Variants in MTMR2 observed in about 807,000 individuals in gnomAD.
MTMR2 encodes the protein phosphatidylinositol-3,5-bisphosphate 3-phosphatase MTMR2.
MTMR2 carries 55 observed loss-of-function variants against 86.9 expected under a neutral mutation model. The observed-to-expected ratio is 0.63, with a 90% CI of 0.51 to 0.79. MTMR2 has a LOEUF of 0.79. Among genes scored for constraint, MTMR2 ranks in the 30% least tolerant of loss-of-function variants. The pLI is 0.00. For missense variants in MTMR2, 659 were observed against 772.3 expected, an observed-to-expected ratio of 0.85 and a Z score of 1.74; for synonymous variants, 241 against 266.8, an observed-to-expected ratio of 0.90 and a Z score of 0.94.
chr11:95,890,463 C>G (rs1226449587), intron 1 of MTMR2, among the ~76,000 whole-genome samples: 1 of 152,070 alleles, frequency 6.6e-6, no homozygotes, highest in South Asian at 2.1e-4. Flanking sequence ...AGGAGAGCCA[C>G]GTGAGTCAAT....
chr11:95,870,689 C>T (rs1388192947), intron 2 of MTMR2, among the ~76,000 whole-genome samples: 1 of 149,988 alleles, frequency 6.7e-6, no homozygotes, highest in Non-Finnish European at 1.5e-5. Flanking sequence ...CTCAAAAACA[C>T]CAGGAACCTA....
intron 13 of MTMR2, among the ~76,000 whole-genome samples, chr11:95,837,705 A>T (rs1203049517): frequency 6.6e-6 from 1 of 152,100 alleles, no homozygotes; most frequent in African/African-American, 2.4e-5. Flanking sequence ...AGTAGGATAT[A>T]CTTGGGAATT....
chr11:95,867,725 T>C (rs1227530273), intron 2 of MTMR2, among the ~76,000 whole-genome samples: 1 of 150,826 alleles, frequency 6.6e-6, no homozygotes, highest in African/African-American at 2.4e-5. Context: ...GATGGGGCAA[T>C]CTAGACCCTG....
At chr11:95,858,503 A>G in intron 6 of MTMR2, 28 bp downstream of exon 6, 2 of 1,467,938 alleles carry the variant, frequency 1.4e-6, no homozygotes, top group Non-Finnish European at 9.5e-7. Flanking sequence ...TTATAGCACA[A>G]ATTTTCCAAA....
At chr11:95,895,788 C>T (rs1448334229) in intron 1 of MTMR2, among the ~76,000 whole-genome samples, 1 of 151,904 alleles carries the variant, frequency 6.6e-6, no homozygotes, top group African/African-American at 2.4e-5. Flanking sequence ...TTTTTCCACA[C>T]ACAAAAAAAC....
intron 5 of MTMR2, among the ~76,000 whole-genome samples, chr11:95,861,077 G>A (rs1056953580): frequency 6.6e-6 from 1 of 151,150 alleles, no homozygotes; most frequent in East Asian, 2.0e-4. Flanking sequence ...GGAGAATCCC[G>A]TGAACCCAGG....
intron 2 of MTMR2, among the ~76,000 whole-genome samples, chr11:95,878,019 A>G (rs774531449): frequency 1.3e-4 from 19 of 151,876 alleles, no homozygotes; most frequent in Non-Finnish European, 2.4e-4. Flanking sequence ...ACAAGTTTTC[A>G]TAACTATGAA....
intron 3 of MTMR2, 70 bp downstream of exon 3, chr11:95,865,531 T>C: frequency 3.6e-6 from 5 of 1,382,128 alleles, no homozygotes; most frequent in East Asian, 2.3e-5. Context: ...ATTCTCTGTA[T>C]GCTGAGAGTA....
At chr11:95,859,174 T>C (rs938301807) in intron 5 of MTMR2, among the ~76,000 whole-genome samples, 2 of 152,190 alleles carry the variant, frequency 1.3e-5, no homozygotes, top group South Asian at 2.1e-4. Flanking sequence ...GTAGACTTGA[T>C]AGAACTAAAC....
Position 95,835,175 on chromosome 11 carries a change from A to G in MTMR2, c.*115T>C, listed in dbSNP as rs576774541. The G allele has an allele frequency of 1.9e-5, 21 of 1,115,176 alleles. No individual in the cohort carries two copies. In the East Asian group the frequency reaches 4.3e-4, roughly 23 times the overall value. 69.1% of individuals were successfully genotyped at this position (1,115,176 alleles called of 1,614,324 possible). A position where few individuals can be genotyped will look rare whatever the true frequency, so the allele number is the denominator to read the frequency against. Reference sequence around the variant, plus strand: ...CATCCTAGAGAGATTTAAAATAAATAAAGTGACTGAACTTTCTCTCATAGA... The same window carrying G: ...CATCCTAGAGAGATTTAAAATAAATGAAGTGACTGAACTTTCTCTCATAGA... On this transcript the variant is annotated 3_prime_UTR_variant, in exon 15 of 15. Coordinates refer to ENST00000346299, the MANE Select transcript of MTMR2 (RefSeq NM_016156.6).
At chr11:95,861,893 ATCCATTTT>A in intron 5 of MTMR2, 91 bp downstream of exon 5, 1 of 906,728 alleles carries the variant, frequency 1.1e-6, no homozygotes, top group Non-Finnish European at 1.7e-6. Flanking sequence ...CTAATTGGAA[ATCCATTTT>A]ATATTTTAGA....
chr11:95,893,143 T>C (rs898529178), intron 1 of MTMR2, among the ~76,000 whole-genome samples: 3 of 152,144 alleles, frequency 2.0e-5, no homozygotes, highest in Admixed American at 2.0e-4. Context: ...CTAGCATTTC[T>C]TTCTACTCCA....
At chr11:95,849,911 A>G in intron 8 of MTMR2, 49 bp from the exon 9 acceptor site, 1 of 1,523,328 alleles carries the variant, frequency 6.6e-7, no homozygotes, top group African/African-American at 1.4e-5. Context: ...TTCTCTGTTT[A>G]TAATTCTCAA....
At chr11:95,905,176 A>T (rs756233166) in intron 1 of MTMR2, among the ~76,000 whole-genome samples, 2 of 151,992 alleles carry the variant, frequency 1.3e-5, no homozygotes, top group African/African-American at 4.8e-5. Context: ...CCTTAACCTC[A>T]TAACACTGGA....
intron 1 of MTMR2, among the ~76,000 whole-genome samples, chr11:95,890,089 A>G (rs1467507925): frequency 6.6e-6 from 1 of 152,224 alleles, no homozygotes; most frequent in Non-Finnish European, 1.5e-5. Context: ...CTCCCCAAAA[A>G]AGAAATTGTC....
rs148959355 is a variant in MTMR2, at chr11:95,878,457, A to C, written c.186+9699T>G. The stretch of plus-strand genomic sequence containing the variant: ...AACTATGTATTTTAGTATTAATATA[A>C]AAATGTATCAGTATCGTTTCATCAG... On this transcript the variant is annotated intron_variant, in intron 2 of 14. Coordinates refer to ENST00000346299, the MANE Select transcript of MTMR2 (RefSeq NM_016156.6). Among the ~76,000 whole-genome samples, 17 of 152,156 alleles carry C rather than the reference A, an allele frequency of 1.1e-4. No individual in the cohort carries two copies. The East Asian group carries it at 2.5e-3, about 22-fold the overall frequency.
At chr11:95,887,250 T>G (rs1173985365) in intron 2 of MTMR2, among the ~76,000 whole-genome samples, 1 of 152,096 alleles carries the variant, frequency 6.6e-6, no homozygotes. Context: ...GTGTAACCAG[T>G]GAGAAAGCAG....
intron 1 of MTMR2, among the ~76,000 whole-genome samples, chr11:95,900,120 T>C (rs17230594): frequency 0.016 from 2,419 of 152,248 alleles, 32 homozygotes; most frequent in Non-Finnish European, 0.027. Context: ...ATAGAAAATA[T>C]AGAAGAGCGA....
intron 2 of MTMR2, among the ~76,000 whole-genome samples, chr11:95,872,689 G>T (rs966005788): frequency 1.9e-4 from 29 of 152,282 alleles, no homozygotes; most frequent in African/African-American, 6.7e-4. Flanking sequence ...CCTGTCTTGT[G>T]CCAGTTTTCA....
Sources: gnomAD v4.1 joint callset for allele counts (sites outside exome capture counted in the v4.1 genomes callset) on GRCh38, gnomAD v4.1.1 for gene constraint, MANE v1.5 for transcripts, NCBI Gene and HGNC (gene_info 2026-07-23, HGNC 2026-07-21) for gene names.